The following PLB1 variants were observed in gnomAD, a reference collection of about 807,000 sequenced individuals.
The protein encoded by PLB1 is phospholipase B1, also known as phospholipase B1, membrane-associated.
In PLB1, 242 loss-of-function variants were observed where a neutral mutation model predicts 227.4. That is an observed-to-expected ratio of 1.06 (90% confidence interval 0.96 to 1.18). The LOEUF is 1.18. PLB1 is among the 50% of genes most tolerant of loss of function. PLB1 has a pLI of 0.00. For synonymous variants in PLB1, 757 were observed against 682.2 expected, an observed-to-expected ratio of 1.11 and a Z score of -1.71; for missense variants, 1,858 against 1,816.3, an observed-to-expected ratio of 1.02 and a Z score of -0.42.
chr2:28,582,480 G>A lies in PLB1; in HGVS notation c.1708G>A (p.Val570Ile), dbSNP rs377534411. The change falls in exon 25 of 58, where the codon GTC becomes ATC. Residue 570 changes from valine (V) to isoleucine (I), a missense_variant. Transcript: ENST00000327757. ...NLRELYQEKK[V>I]YCPRMILRSL... is the part of the protein sequence containing the mutation. ...GAGGGAGCTGTACCAGGAGAAAAAA[G>A]TCTACTGCCCAAGGATGATCCTCAG... The A allele has an allele frequency of 4.3e-4, 696 of 1,610,854 alleles. 2 individuals are homozygous for A. In the South Asian group the frequency reaches 4.4e-3, roughly 10 times the overall value.
At position 28,541,703 on chromosome 2, in the gene PLB1, C is replaced by T. The variant is rs768277842; in HGVS notation, c.775-4C>T. 1.9e-6 allele frequency: 3 copies of T among 1,612,856 alleles called. No homozygotes were observed. The highest frequency in any genetic ancestry group is 3.3e-5 in the Admixed American group (2 of 60,008). ...GATGGGCACCTCTCTGCTCCCTTCT[C>T]CAGGAAGCCTGGAACAGCCTCCTGG... On this transcript the variant is annotated splice_polypyrimidine_tract_variant and splice_region_variant and intron_variant, in intron 12 of 57. Coordinates refer to ENST00000327757, the MANE Select transcript of PLB1 (RefSeq NM_153021.5).
intron 13 of PLB1, among the ~76,000 whole-genome samples, chr2:28,542,289 T>C (rs148431867): frequency 1.0e-3 from 157 of 152,256 alleles, no homozygotes; most frequent in African/African-American, 3.7e-3. Flanking sequence ...ACCCCCATAT[T>C]ATACTTTCCT....
intron 20 of PLB1, among the ~76,000 whole-genome samples, chr2:28,568,566 C>T (rs1384765205): frequency 1.3e-5 from 2 of 152,180 alleles, no homozygotes; most frequent in East Asian, 1.9e-4. Context: ...ACAGAATCCC[C>T]GTTCAACCCC....
chr2:28,627,031 G>T (rs747788412), intron 51 of PLB1, among the ~76,000 whole-genome samples: 1 of 152,124 alleles, frequency 6.6e-6, no homozygotes, highest in Admixed American at 6.5e-5. Context: ...TTTTATTTTG[G>T]AATACATCTT....
intron 56 of PLB1, among the ~76,000 whole-genome samples, chr2:28,639,846 A>T (rs1689778709): frequency 6.6e-6 from 1 of 152,182 alleles, no homozygotes; most frequent in Non-Finnish European, 1.5e-5. Context: ...TTCTCATTTG[A>T]TGCTCACAAC....
At chr2:28,521,758 G>A (rs1211231665) in intron 4 of PLB1, among the ~76,000 whole-genome samples, 1 of 152,036 alleles carries the variant, frequency 6.6e-6, no homozygotes, top group African/African-American at 2.4e-5. Flanking sequence ...AAGCTCCACA[G>A]CCTTGCTGCC....
At chr2:28,578,617 A>T (rs555026757) in intron 22 of PLB1, among the ~76,000 whole-genome samples, 73 of 152,290 alleles carry the variant, frequency 4.8e-4, no homozygotes, top group African/African-American at 1.8e-3. Context: ...TGCAAGGAGC[A>T]GTACCAAAAA....
Position 28,540,454 on chromosome 2 carries a change from TG to T in PLB1, c.774+16del. ...GTGGTCTTATCAGGTGAGCCCAACC[TG>T]GGATCCCAAGCTGCTGGCTCACCGG... On this transcript the variant is annotated intron_variant, in intron 12 of 57. Transcript: ENST00000327757. The T allele has an allele frequency of 6.2e-7, 1 of 1,612,762 alleles. No homozygotes were observed. The highest frequency in any genetic ancestry group is 8.5e-7 in the Non-Finnish European group (1 of 1,179,210).
chr2:28,518,603 A>G, intron 3 of PLB1, 71 bp downstream of exon 3: 1 of 1,172,664 alleles, frequency 8.5e-7, no homozygotes, highest in South Asian at 1.3e-5. Flanking sequence ...AGAGGCTCTA[A>G]CCCTATTCTT....
At chr2:28,639,974 C>T (rs1367035636) in intron 56 of PLB1, among the ~76,000 whole-genome samples, 4 of 152,210 alleles carry the variant, frequency 2.6e-5, no homozygotes, top group Non-Finnish European at 5.9e-5. Context: ...GCCCATCGTG[C>T]TCAGTCTAGT....
At chr2:28,615,098 G>A (rs983273206) in intron 44 of PLB1, among the ~76,000 whole-genome samples, 4 of 152,168 alleles carry the variant, frequency 2.6e-5, no homozygotes, top group Non-Finnish European at 4.4e-5. Flanking sequence ...CATGCATAAT[G>A]AGGAGACACT....
intron 56 of PLB1, among the ~76,000 whole-genome samples, chr2:28,640,290 G>C (rs1242518761): frequency 4.6e-5 from 7 of 152,184 alleles, no homozygotes; most frequent in Admixed American, 4.6e-4. Flanking sequence ...GTGCCGGGGA[G>C]GGGGATACAG....
At chr2:28,541,867 T>G in intron 13 of PLB1, 56 bp downstream of exon 13, 1 of 1,408,560 alleles carries the variant, frequency 7.1e-7, no homozygotes, top group East Asian at 2.3e-5. Flanking sequence ...GCATGGTGGC[T>G]CACTCCTGTA....
At chr2:28,607,835 T>TCC (rs1684897136) in intron 43 of PLB1, among the ~76,000 whole-genome samples, 2 of 152,128 alleles carry the variant, frequency 1.3e-5, no homozygotes, top group South Asian at 4.1e-4. Flanking sequence ...CCATACTGAA[T>TCC]ATCAGCCATG....
intron 54 of PLB1, 26 bp from the exon 55 acceptor site, chr2:28,632,010 T>C: frequency 6.3e-7 from 1 of 1,592,486 alleles, no homozygotes; most frequent in Non-Finnish European, 8.6e-7. Context: ...CCAGGAGGGT[T>C]GAGCAGCTTC....
intron 20 of PLB1, 138 bp from the exon 21 acceptor site, chr2:28,573,059 A>ATGCTGAGTGAAGGTTGGGGT (rs1352312117): frequency 1.5e-6 from 1 of 649,412 alleles, no homozygotes; most frequent in Non-Finnish European, 2.8e-6. Flanking sequence ...TTTTCTTCCC[A>ATGCTGAGTGAAGGTTGGGGT]TGCTGAGTGA....
intron 1 of PLB1, among the ~76,000 whole-genome samples, chr2:28,505,651 AC>A (rs1270484437): frequency 2.0e-5 from 3 of 152,192 alleles, no homozygotes; most frequent in Non-Finnish European, 4.4e-5. Context: ...AAGCTAGGTA[AC>A]ATTTGTTTTG....
At chr2:28,540,477 C>T (rs1217274280) in intron 12 of PLB1, 36 bp downstream of exon 12, 1 of 1,591,328 alleles carries the variant, frequency 6.3e-7, no homozygotes. Context: ...TGCTGGCTCA[C>T]CGGGGTGGCG....
chr2:28,514,149 T>C lies in PLB1; in HGVS notation c.56-2659T>C, dbSNP rs76316663. On this transcript the variant is annotated intron_variant, in intron 1 of 57. Coordinates refer to ENST00000327757, the MANE Select transcript of PLB1 (RefSeq NM_153021.5). ...GTCCAAAAGCTTTTGAGGAGTGATT[T>C]TCTTTTAATTAAAAAATTGTTGTTC... is the stretch of plus-strand genomic sequence containing the variant. Among the ~76,000 whole-genome samples the C allele has an allele frequency of 2.2e-3, 339 of 151,770 alleles. 11 individuals carry two copies. In the East Asian group the frequency reaches 0.061, roughly 27 times the overall value.
Sources: allele counts gnomAD v4.1 joint callset (sites outside exome capture counted in the v4.1 genomes callset), GRCh38; gene constraint gnomAD v4.1.1; transcripts MANE v1.5; gene names NCBI Gene and HGNC (gene_info 2026-07-23, HGNC 2026-07-21).